NPSR1: variants seen among roughly 807,000 people sequenced by gnomAD.
The protein encoded by NPSR1 is neuropeptide S receptor 1, also known as neuropeptide S receptor.
A neutral mutation model predicts 46.9 loss-of-function variants in NPSR1; 48 were observed. The ratio of observed to expected loss-of-function variants is 1.02; its 90% confidence interval spans 0.81 to 1.30. The LOEUF (loss-of-function observed/expected upper bound fraction) is 1.30, where lower values mean the gene tolerates loss of function less well. Ranked by LOEUF, NPSR1 falls within the 50% of genes most tolerant of loss-of-function variation. The pLI, the probability that NPSR1 is intolerant of heterozygous loss-of-function variation, is 0.00. For synonymous variants in NPSR1, 176 were observed against 168.1 expected, an observed-to-expected ratio of 1.05 and a Z score of -0.36; for missense variants, 450 against 449.5, an observed-to-expected ratio of 1.00 and a Z score of -0.01.
At chr7:34,818,022 C>T (rs1789338267) in intron 4 of NPSR1, among the ~76,000 whole-genome samples, 1 of 152,030 alleles carries the variant, frequency 6.6e-6, no homozygotes, top group South Asian at 2.1e-4. Context: ...CAAGGATGCC[C>T]TCTCTCACCA....
At chr7:34,866,922 T>C (rs1203610985) in intron 8 of NPSR1, among the ~76,000 whole-genome samples, 2 of 151,662 alleles carry the variant, frequency 1.3e-5, no homozygotes, top group African/African-American at 4.9e-5. Context: ...AAAATAATAA[T>C]AATAAAAGAT....
At chr7:34,789,054 G>A (rs1011435760) in intron 3 of NPSR1, among the ~76,000 whole-genome samples, 8 of 151,852 alleles carry the variant, frequency 5.3e-5, no homozygotes, top group African/African-American at 1.9e-4. Flanking sequence ...ACAATCAATA[G>A]GTCAAAGAAG....
chr7:34,763,352 G>A (rs1191656319), intron 2 of NPSR1, among the ~76,000 whole-genome samples: 2 of 152,108 alleles, frequency 1.3e-5, no homozygotes, highest in African/African-American at 4.8e-5. Context: ...CCATGCTACA[G>A]TCAGCCAATC....
At chr7:34,876,512 G>A (rs13243373) in intron 8 of NPSR1, among the ~76,000 whole-genome samples, 28,157 of 152,116 alleles carry the variant, frequency 0.19, 2,811 homozygotes, top group Non-Finnish European at 0.23. Context: ...ATACAGCACC[G>A]CCCCAGTCCT....
chr7:34,758,947 C>G (rs1302357855), intron 2 of NPSR1, among the ~76,000 whole-genome samples: 1 of 152,174 alleles, frequency 6.6e-6, no homozygotes, highest in Non-Finnish European at 1.5e-5. Flanking sequence ...TTTTAAATAG[C>G]ATAGGTTAGA....
intron 6 of NPSR1, among the ~76,000 whole-genome samples, chr7:34,835,446 A>C (rs1478927020): frequency 1.3e-5 from 2 of 152,182 alleles, no homozygotes; most frequent in Admixed American, 6.5e-5. Context: ...AAGTTATCTA[A>C]TCCCTGGGCT....
chr7:34,721,907 T>G (rs999183081), intron 2 of NPSR1, among the ~76,000 whole-genome samples: 4 of 152,156 alleles, frequency 2.6e-5, no homozygotes, highest in Non-Finnish European at 2.9e-5. Context: ...TATTAAAATA[T>G]AGATAAGCAT....
intron 1 of NPSR1, among the ~76,000 whole-genome samples, chr7:34,672,740 A>C (rs920107235): frequency 2.0e-5 from 3 of 152,180 alleles, no homozygotes; most frequent in African/African-American, 7.2e-5. Flanking sequence ...CTAGTATTAC[A>C]TTCTGTCACT....
chr7:34,693,895 TA>T (rs368650210), intron 2 of NPSR1, among the ~76,000 whole-genome samples: 13 of 152,022 alleles, frequency 8.6e-5, no homozygotes, highest in African/African-American at 3.1e-4. Flanking sequence ...TTAACAAAAC[TA>T]AAAACAAAAA....
In NPSR1 at chr7:34,834,426, C is replaced by G. The variant is rs727162; in HGVS notation, c.723C>G (p.Ser241Arg). 379,470 of 1,608,648 alleles carry G rather than the reference C, an allele frequency of 0.24. 48,112 individuals carry two copies. The highest frequency in any genetic ancestry group is 0.4 in the South Asian group (36,168 of 90,786). Residue 241 changes from serine to arginine, a missense_variant, in exon 6 of 9, where the codon AGC (serine) becomes AGG (arginine). Physicochemically the swap from Ser to Arg is moderately radical, Grantham distance 110 (BLOSUM62 -1). Transcript: ENST00000360581. ...TGATCCGAACTATTTGGATTAAAAG[C>G]AAAACCTACGAAACAGTGATTTCCA... Reference protein sequence around the residue: ...GIVIRTIWIKSKTYETVISNC... With the variant: ...GIVIRTIWIKRKTYETVISNC...
chr7:34,842,304 C>T (rs1000212092), intron 6 of NPSR1, among the ~76,000 whole-genome samples: 14 of 152,192 alleles, frequency 9.2e-5, no homozygotes, highest in Non-Finnish European at 1.5e-4. Context: ...ATCTTAAAGC[C>T]TGTGTCCTTC....
chr7:34,683,252 G>T (rs1392729227), intron 1 of NPSR1, among the ~76,000 whole-genome samples: 2 of 151,942 alleles, frequency 1.3e-5, no homozygotes, highest in Non-Finnish European at 2.9e-5. Context: ...GACCATCCTG[G>T]CTAACACGGT....
intron 2 of NPSR1, among the ~76,000 whole-genome samples, chr7:34,775,352 G>A (rs181400782): frequency 6.9e-4 from 105 of 152,246 alleles, no homozygotes; most frequent in African/African-American, 2.4e-3. Context: ...TATTGGCCTC[G>A]TAGAATGAGT....
intron 1 of NPSR1, among the ~76,000 whole-genome samples, chr7:34,671,456 C>G (rs1312215582): frequency 2.6e-5 from 4 of 152,156 alleles, no homozygotes; most frequent in African/African-American, 9.7e-5. Context: ...TAGGAAGAAT[C>G]TATTTACTCT....
chr7:34,804,247 T>C (rs1788577519), intron 3 of NPSR1, among the ~76,000 whole-genome samples: 1 of 152,054 alleles, frequency 6.6e-6, no homozygotes, highest in Admixed American at 6.6e-5. Context: ...TGAACATAAA[T>C]GCAAAAATTC....
intron 3 of NPSR1, among the ~76,000 whole-genome samples, chr7:34,804,617 G>C (rs1404633752): frequency 6.6e-6 from 1 of 151,976 alleles, no homozygotes; most frequent in Non-Finnish European, 1.5e-5. Context: ...CTGGGAACAA[G>C]GTAAAGATGT....
chr7:34,703,250 A>G (rs1330104797), intron 2 of NPSR1, among the ~76,000 whole-genome samples: 1 of 152,196 alleles, frequency 6.6e-6, no homozygotes, highest in Non-Finnish European at 1.5e-5. Context: ...AGGCGCCTGT[A>G]GTCCCAGCTA....
At chr7:34,717,733 T>C (rs1783649273) in intron 2 of NPSR1, among the ~76,000 whole-genome samples, 1 of 152,330 alleles carries the variant, frequency 6.6e-6, no homozygotes, top group African/African-American at 2.4e-5. Flanking sequence ...GATTTCAGAA[T>C]GTATAATGGT....
chr7:34,858,154 G>C (rs1460193430), intron 8 of NPSR1, among the ~76,000 whole-genome samples: 1 of 151,742 alleles, frequency 6.6e-6, no homozygotes, highest in Admixed American at 6.5e-5. Context: ...CTAAGGATTT[G>C]TGTTTCCCGT....
Sources: gnomAD v4.1 joint callset for allele counts (sites outside exome capture counted in the v4.1 genomes callset) on GRCh38, gnomAD v4.1.1 for gene constraint, MANE v1.5 for transcripts, NCBI Gene and HGNC (gene_info 2026-07-23, HGNC 2026-07-21) for gene names.